The following FBXO6 variants were observed in gnomAD, a reference collection of about 807,000 sequenced individuals.
FBXO6 encodes F-box protein 6, also known as F-box only protein 6.
In FBXO6, 13 loss-of-function variants were observed where a neutral mutation model predicts 25.0. The ratio of observed to expected loss-of-function variants is 0.52; its 90% confidence interval spans 0.34 to 0.83. The LOEUF (loss-of-function observed/expected upper bound fraction) is 0.83, where lower values mean the gene tolerates loss of function less well. Ranked by LOEUF, FBXO6 falls within the 40% of genes least tolerant of loss-of-function variation. The probability of loss-of-function intolerance (pLI) is 0.02; values close to 1 mark genes in which losing one functional copy is unlikely to be tolerated. For missense variants in FBXO6, 370 were observed against 380.2 expected, an observed-to-expected ratio of 0.97 and a Z score of 0.22; for synonymous variants, 138 against 155.3, an observed-to-expected ratio of 0.89 and a Z score of 0.83.
intron 1 of FBXO6, among the ~76,000 whole-genome samples, chr1:11,665,475 T>A (rs1349906892): frequency 6.6e-6 from 1 of 150,748 alleles, no homozygotes; most frequent in African/African-American, 2.5e-5. Context: ...CAGGACGGTC[T>A]CGATCTCCTA....
chr1:11,666,004 T>C (rs1382472193), intron 1 of FBXO6, among the ~76,000 whole-genome samples: 1 of 32,770 alleles, frequency 3.1e-5, no homozygotes, highest in Admixed American at 3.3e-4. Flanking sequence ...TTTTTTGTTA[T>C]TTTTTTTTTC....
intron 2 of FBXO6, among the ~76,000 whole-genome samples, chr1:11,669,504 AT>A (rs57626914): frequency 0.089 from 13,262 of 149,230 alleles, 735 homozygotes; most frequent in African/African-American, 0.14. Context: ...GAATTTCCTT[AT>A]TTTTTTCTGC....
At chr1:11,671,215 T>C (rs1469057270) in intron 2 of FBXO6, 51 bp from the exon 3 acceptor site, 1 of 1,596,970 alleles carries the variant, frequency 6.3e-7, no homozygotes, top group Non-Finnish European at 8.6e-7. Flanking sequence ...TGGGGAGGGC[T>C]GGACTTTGGA....
intron 1 of FBXO6, among the ~76,000 whole-genome samples, chr1:11,665,215 CTTT>C (rs541103021): frequency 6.5e-5 from 4 of 61,588 alleles, no homozygotes; most frequent in African/African-American, 2.8e-4. Context: ...TAGCTAATTT[CTTT>C]TTTTTTTTTT....
At chr1:11,665,215 C>CT (rs541103021) in intron 1 of FBXO6, among the ~76,000 whole-genome samples, 7,191 of 61,532 alleles carry the variant, frequency 0.12, 1,856 homozygotes, top group Non-Finnish European at 0.15. Context: ...TAGCTAATTT[C>CT]TTTTTTTTTT....
At chr1:11,669,674 G>GTATATATATATA (rs1479931589) in intron 2 of FBXO6, among the ~76,000 whole-genome samples, 121 of 94,330 alleles carry the variant, frequency 1.3e-3, no homozygotes, top group African/African-American at 7.6e-3. Flanking sequence ...ATGTATATAT[G>GTATATATATATA]TACACATATA....
rs573331671 is a variant in FBXO6, at chr1:11,672,060, C to T, written c.509+37C>T. ...CCATGGCCTGTGTCCCCACACTCTA[C>T]ATGCTCCTCTTACTGCGCTGCATGT... is the stretch of plus-strand genomic sequence containing the variant. On this transcript the variant is annotated intron_variant, in intron 4 of 5. Coordinates refer to ENST00000376753, the MANE Select transcript of FBXO6 (RefSeq NM_018438.6). The T allele has an allele frequency of 1.9e-6, 3 of 1,546,772 alleles. No homozygotes were observed. The South Asian group carries it at 3.4e-5, about 17-fold the overall frequency.
At chr1:11,667,149 G>A (rs1640462105) in intron 1 of FBXO6, among the ~76,000 whole-genome samples, 1 of 151,208 alleles carries the variant, frequency 6.6e-6, no homozygotes, top group South Asian at 2.1e-4. Flanking sequence ...CTGTCTCGGG[G>A]TGGGGGGGAA....
chr1:11,667,558 G>C (rs1317505567), intron 1 of FBXO6, among the ~76,000 whole-genome samples: 1 of 152,078 alleles, frequency 6.6e-6, no homozygotes, highest in Non-Finnish European at 1.5e-5. Flanking sequence ...CTGCAGACCA[G>C]GATTCAAACC....
In FBXO6 at chr1:11,674,241, T is replaced by C. The variant is rs1640713804; in HGVS notation, c.*390T>C. 4.7e-6 allele frequency: 1 copy of C among 211,748 alleles called. No homozygotes were observed. Among genetic ancestry groups the C allele is most frequent in the Non-Finnish European group, 9.8e-6 (1 of 101,704 alleles). 13.1% of individuals were successfully genotyped at this position (211,748 alleles called of 1,614,324 possible). Reference sequence around the variant, plus strand: ...ATGGCGTGAACCCGGAAGGCAGAGCTTGCAGTGAGCCGAGATCACGCCACT... The same window carrying C: ...ATGGCGTGAACCCGGAAGGCAGAGCCTGCAGTGAGCCGAGATCACGCCACT... On this transcript the variant is annotated 3_prime_UTR_variant, in exon 6 of 6. Coordinates refer to ENST00000376753, the MANE Select transcript of FBXO6 (RefSeq NM_018438.6). The surrounding 1 kb of genome is among the most constrained non-coding windows in gnomAD (Gnocchi z 6.1).
At chr1:11,665,554 CTTTTT>C (rs70983579) in intron 1 of FBXO6, among the ~76,000 whole-genome samples, 7 of 37,850 alleles carry the variant, frequency 1.8e-4, no homozygotes, top group African/African-American at 4.6e-4. Flanking sequence ...CGCGCCCGGC[CTTTTT>C]TTTTTTTTTT....
chr1:11,673,137 G>A lies in FBXO6; in HGVS notation c.510-140G>A, dbSNP rs886758629. 9.3e-7 allele frequency: 1 copy of A among 1,075,376 alleles called. No individual in the cohort carries two copies. Among genetic ancestry groups the A allele is most frequent in the Admixed American group, 2.9e-5 (1 of 34,468 alleles). The allele number at this position is 1,075,376 out of a possible 1,614,324, so 66.6% of individuals were successfully genotyped here. ...ACAGTGGGGCATAGGGAGCGCTGAA[G>A]CCAGCTGGGCCTTGCAGGCAGAGCA... On this transcript the variant is annotated intron_variant, in intron 4 of 5. Coordinates refer to ENST00000376753, the MANE Select transcript of FBXO6 (RefSeq NM_018438.6). This position sits in a 1 kb window ranked among gnomAD's most constrained non-coding sequence, Gnocchi z 4.3.
intron 3 of FBXO6, 138 bp from the exon 4 acceptor site, chr1:11,671,790 C>A: frequency 1.3e-6 from 1 of 742,768 alleles, no homozygotes; most frequent in South Asian, 1.5e-5. Context: ...CCAGCCAGTG[C>A]CTGTCCCGCA....
At chr1:11,669,252 G>A (rs1205320287) in intron 2 of FBXO6, among the ~76,000 whole-genome samples, 1 of 152,148 alleles carries the variant, frequency 6.6e-6, no homozygotes, top group African/African-American at 2.4e-5. Context: ...GATCACCTGA[G>A]CTCAGGAGTT....
At chr1:11,669,324 A>C (rs1008655935) in intron 2 of FBXO6, among the ~76,000 whole-genome samples, 2 of 152,196 alleles carry the variant, frequency 1.3e-5, no homozygotes, top group East Asian at 3.9e-4. Flanking sequence ...AAAGTTGGGC[A>C]TGCTGGCCCA....
At chr1:11,672,704 C>T (rs917284665) in intron 4 of FBXO6, among the ~76,000 whole-genome samples, 15 of 152,216 alleles carry the variant, frequency 9.9e-5, no homozygotes, top group African/African-American at 2.9e-4. Flanking sequence ...CTATTCATCC[C>T]ATGACTCTTT....
intron 4 of FBXO6, 86 bp downstream of exon 4, chr1:11,672,109 GC>G: frequency 8.1e-7 from 1 of 1,230,880 alleles, no homozygotes; most frequent in Non-Finnish European, 1.2e-6. Context: ...CATAGCAAGT[GC>G]CCACTCTGCA....
rs1216017693 is a variant in FBXO6, at chr1:11,673,071, G to GT, written c.510-205dup. Reference sequence around the variant, plus strand: ...AAAAGGGTCCCTCTTCTCAGATGGGGTAACAGAGGCCAGCATGGACAGACA... The same window carrying GT: ...AAAAGGGTCCCTCTTCTCAGATGGGGTTAACAGAGGCCAGCATGGACAGACA... On this transcript the variant is annotated intron_variant, in intron 4 of 5. Transcript: ENST00000376753. This position sits in a 1 kb window ranked among gnomAD's most constrained non-coding sequence, Gnocchi z 4.3. Among the ~76,000 whole-genome samples, 4 of 152,192 alleles carry GT rather than the reference G, an allele frequency of 2.6e-5. No homozygotes were observed. The highest frequency in any genetic ancestry group is 9.6e-5 in the African/African-American group (4 of 41,452).
chr1:11,666,728 GC>G (rs1252511372), intron 1 of FBXO6, among the ~76,000 whole-genome samples: 1 of 152,144 alleles, frequency 6.6e-6, no homozygotes. Context: ...TGTTTTCTCT[GC>G]CATGTAAAGT....
Sources: allele counts gnomAD v4.1 joint callset (sites outside exome capture counted in the v4.1 genomes callset), GRCh38; gene constraint gnomAD v4.1.1; non-coding constraint Gnocchi (gnomAD v3.1); transcripts MANE v1.5; gene names NCBI Gene and HGNC (gene_info 2026-07-23, HGNC 2026-07-21).